Variants in ZNF736 observed in about 807,000 individuals in gnomAD.
ZNF736 encodes KRAB-containing zinc-finger repressor protein.
Under a neutral mutation model 11.7 loss-of-function variants are expected in ZNF736, and 6 were observed. The observed-to-expected ratio is 0.51, with a 90% CI of 0.28 to 1.01. The LOEUF (loss-of-function observed/expected upper bound fraction) is 1.01. Among genes scored for constraint, ZNF736 ranks in the 50% least tolerant of loss-of-function variants. The pLI is 0.09. For missense variants in ZNF736, 444 were observed against 496.0 expected (o/e 0.90, Z 1.00); for synonymous variants, 139 against 164.7 (o/e 0.84, Z 1.19).
chr7:64,335,454 C>T (rs544838513), intron 1 of ZNF736, among the ~76,000 whole-genome samples: 2 of 152,184 alleles, frequency 1.3e-5, no homozygotes, highest in African/African-American at 4.8e-5. Context: ...GTCTTGTATC[C>T]TTCTTTGTTA....
chr7:64,346,553 C>T (rs1359604591), intron 3 of ZNF736, among the ~76,000 whole-genome samples: 7 of 151,712 alleles, frequency 4.6e-5, no homozygotes, highest in African/African-American at 1.2e-4. Context: ...TAAATTTACT[C>T]GTAATCTTGC....
intron 1 of ZNF736, among the ~76,000 whole-genome samples, chr7:64,328,955 A>AT (rs71060588): frequency 0.29 from 41,993 of 146,272 alleles, 7,042 homozygotes; most frequent in East Asian, 0.48. Context: ...TCTTGAGGCT[A>AT]TTTTTTTTTT....
At chr7:64,319,807 T>TGTCTTTTTCTTTCTAAA (rs1788979392) in intron 1 of ZNF736, among the ~76,000 whole-genome samples, 2 of 67,776 alleles carry the variant, frequency 3.0e-5, no homozygotes, top group Non-Finnish European at 5.8e-5. Flanking sequence ...AACATTTCTT[T>TGTCTTTTTCTTTCTAAA]ACTTGTCTTT....
At chr7:64,314,256 A>G in intron 1 of ZNF736, 103 bp downstream of exon 1, 10 of 1,442,922 alleles carry the variant, frequency 6.9e-6, no homozygotes, top group Non-Finnish European at 9.3e-6. Context: ...TCTGCTCTGG[A>G]GTCTGCATCC....
At chr7:64,324,873 T>G (rs2115887826) in intron 1 of ZNF736, among the ~76,000 whole-genome samples, 1 of 152,370 alleles carries the variant, frequency 6.6e-6, no homozygotes, top group East Asian at 1.9e-4. Flanking sequence ...TTTGATACTC[T>G]AAATTATTCT....
At position 64,354,527 on chromosome 7, in the gene ZNF736, C is replaced by G. The variant is rs1450937217; in HGVS notation, c.*5380C>G. ...TCATTTATCTAAAATGTTATTGCTCCTGGCTTAGAATCATCTTGTGCAAAT... is the reference window on the plus strand; with the variant it reads ...TCATTTATCTAAAATGTTATTGCTCGTGGCTTAGAATCATCTTGTGCAAAT... On this transcript the variant is annotated 3_prime_UTR_variant, in exon 4 of 4. Transcript: ENST00000423484. 1 of 145,110 alleles carries G rather than the reference C, an allele frequency of 6.9e-6. No individual in the cohort carries two copies. The highest frequency in any genetic ancestry group is 1.5e-5 in the Non-Finnish European group (1 of 66,580). The allele number at this position is 145,110 out of a possible 1,614,324, so 9.0% of individuals were successfully genotyped here.
chr7:64,315,541 G>T (rs1204196792), intron 1 of ZNF736, among the ~76,000 whole-genome samples: 1 of 151,856 alleles, frequency 6.6e-6, no homozygotes, highest in Non-Finnish European at 1.5e-5. Flanking sequence ...TGTTGTTGTT[G>T]TTGTTTCTCA....
chr7:64,329,321 G>T (rs1344529734), intron 1 of ZNF736, among the ~76,000 whole-genome samples: 24 of 152,208 alleles, frequency 1.6e-4, no homozygotes, highest in Admixed American at 1.5e-3. Context: ...GTTCATTGAA[G>T]TCTGGGCATT....
At chr7:64,342,801 CAA>C (rs1177377920) in intron 3 of ZNF736, among the ~76,000 whole-genome samples, 2 of 152,108 alleles carry the variant, frequency 1.3e-5, no homozygotes, top group East Asian at 3.9e-4. Context: ...TTACTGCATA[CAA>C]AAAGATACTA....
intron 1 of ZNF736, among the ~76,000 whole-genome samples, chr7:64,330,484 G>A (rs1789149617): frequency 6.6e-6 from 1 of 151,880 alleles, no homozygotes; most frequent in Admixed American, 6.6e-5. Context: ...TCTGACCTAG[G>A]GTGGTTCCAG....
In ZNF736 at chr7:64,336,254, T is replaced by C. The variant is rs1789247168; in HGVS notation, c.4-5T>C. The C allele has an allele frequency of 1.2e-6, 2 of 1,609,480 alleles. No homozygotes were observed. Among genetic ancestry groups the C allele is most frequent in the Non-Finnish European group, 1.7e-6 (2 of 1,177,482 alleles). On this transcript the variant is annotated splice_polypyrimidine_tract_variant and splice_region_variant and intron_variant, in intron 1 of 3. Coordinates refer to ENST00000423484, the MANE Select transcript of ZNF736 (RefSeq NM_001170905.3). ...GTCACTTGGTAAATATGTTTTGTTT[T>C]CCAGGGAGTGTTGACATTCAGGGAT...
At chr7:64,331,856 G>A (rs1789172207) in intron 1 of ZNF736, among the ~76,000 whole-genome samples, 1 of 152,184 alleles carries the variant, frequency 6.6e-6, no homozygotes, top group Non-Finnish European at 1.5e-5. Context: ...CTGTGGCAGA[G>A]AAAGGCAACT....
At chr7:64,323,875 C>T (rs1024582309) in intron 1 of ZNF736, among the ~76,000 whole-genome samples, 11 of 151,852 alleles carry the variant, frequency 7.2e-5, no homozygotes, top group African/African-American at 2.2e-4. Flanking sequence ...ATATGTACCC[C>T]GGAACTTAAA....
At position 64,348,260 on chromosome 7, in the gene ZNF736, C is replaced by T; in HGVS notation, c.397C>T (p.Leu133Phe). 2 of 1,551,886 alleles carry T rather than the reference C, an allele frequency of 1.3e-6. No homozygotes were observed. Among genetic ancestry groups the T allele is most frequent in the Non-Finnish European group, 1.7e-6 (2 of 1,146,910 alleles). ...CKGQKSSYNG[L>F]HQCLSATHSK... ...GGGGCAGAAAAGCAGTTATAATGGC[C>T]TTCATCAATGTTTGTCAGCTACCCA... Residue 133 changes from leucine to phenylalanine, a missense_variant, in exon 4 of 4, where the codon CTT becomes TTT. Coordinates refer to ENST00000423484, the MANE Select transcript of ZNF736 (RefSeq NM_001170905.3).
At chr7:64,315,127 A>G (rs1562665374) in intron 1 of ZNF736, among the ~76,000 whole-genome samples, 1 of 152,094 alleles carries the variant, frequency 6.6e-6, no homozygotes, top group Non-Finnish European at 1.5e-5. Context: ...TTCATCCATG[A>G]TTTTAAGCTT....
chr7:64,338,335 A>G (rs1789288626), intron 3 of ZNF736, among the ~76,000 whole-genome samples: 1 of 152,216 alleles, frequency 6.6e-6, no homozygotes, highest in Admixed American at 6.5e-5. Context: ...CACATTTATG[A>G]CCTTACAAGT....
At position 64,355,650 on chromosome 7, in the gene ZNF736, G is replaced by C. The variant is rs1474391501; in HGVS notation, c.*6503G>C. On this transcript the variant is annotated 3_prime_UTR_variant, in exon 4 of 4. Coordinates refer to ENST00000423484, the MANE Select transcript of ZNF736 (RefSeq NM_001170905.3). ...ACCCACCTCAGCCTTCCAAAGTGCT[G>C]GGAATGCACATGTGAGCCACCGCGC... 6.6e-6 allele frequency: 1 copy of C among 152,276 alleles called. No individual in the cohort carries two copies. The highest frequency in any genetic ancestry group is 1.5e-5 in the Non-Finnish European group (1 of 68,076). 9.4% of individuals were successfully genotyped at this position (152,276 alleles called of 1,614,324 possible).
rs1365645826 is a variant in ZNF736, at chr7:64,348,719, A to C, written c.856A>C (p.Lys286Gln). ...KRIHTGEKPY[K>Q]CEECNKAYRW... ...AATTCATACTGGAGAGAAACCCTAC[A>C]AATGTGAAGAATGTAACAAAGCCTA... Residue 286 changes from lysine to glutamine, a missense_variant, in exon 4 of 4, where the codon AAA becomes CAA. Coordinates refer to ENST00000423484, the MANE Select transcript of ZNF736 (RefSeq NM_001170905.3). The C allele has an allele frequency of 1.2e-6, 2 of 1,607,518 alleles. No individual in the cohort carries two copies. The highest frequency in any genetic ancestry group is 2.2e-5 in the South Asian group (2 of 90,380).
intron 3 of ZNF736, among the ~76,000 whole-genome samples, chr7:64,347,383 G>A (rs557658221): frequency 4.6e-5 from 7 of 151,404 alleles, no homozygotes; most frequent in African/African-American, 1.7e-4. Flanking sequence ...CTGCCACCAC[G>A]CCCTGCTAAT....
Sources: allele counts gnomAD v4.1 joint callset (sites outside exome capture counted in the v4.1 genomes callset), GRCh38; gene constraint gnomAD v4.1.1; transcripts MANE v1.5; gene names NCBI Gene and HGNC (gene_info 2026-07-23, HGNC 2026-07-21).